Variants in STAU2 observed in about 807,000 individuals in gnomAD.
The protein encoded by STAU2 is double-stranded RNA-binding protein Staufen homolog 2.
In STAU2, 20 loss-of-function variants were observed where a neutral mutation model predicts 65.9. The observed-to-expected ratio is 0.30, with a 90% CI of 0.21 to 0.44. The LOEUF (loss-of-function observed/expected upper bound fraction) is 0.44, where lower values mean the gene tolerates loss of function less well. STAU2 is among the 20% of genes least tolerant of loss of function. STAU2 has a pLI of 1.00. For missense variants in STAU2, 558 were observed against 683.9 expected (o/e 0.82, Z 2.05); for synonymous variants, 232 against 233.9 (o/e 0.99, Z 0.07).
chr8:73,643,074 T>C lies in STAU2; in HGVS notation c.411-25623A>G, dbSNP rs188016584. ...ATTTGACAACTCCTCTTGGATGTCTTACAGACATGTCTATCCCCGAAGTCT... is the reference window on the plus strand; with the variant it reads ...ATTTGACAACTCCTCTTGGATGTCTCACAGACATGTCTATCCCCGAAGTCT... On this transcript the variant is annotated intron_variant, in intron 6 of 14. Transcript: ENST00000524300. Among the ~76,000 whole-genome samples the C allele has an allele frequency of 1.8e-3, 267 of 152,328 alleles. 1 individual carries two copies. The highest frequency in any genetic ancestry group is 3.1e-3 in the Non-Finnish European group (211 of 68,022).
At chr8:73,714,108 G>A (rs1453297924) in intron 3 of STAU2, among the ~76,000 whole-genome samples, 1 of 151,920 alleles carries the variant, frequency 6.6e-6, no homozygotes, top group Non-Finnish European at 1.5e-5. Context: ...TCTCCATATT[G>A]GTCACGCTGG....
chr8:73,463,601 G>T (rs1563607146), intron 13 of STAU2, among the ~76,000 whole-genome samples: 2 of 152,196 alleles, frequency 1.3e-5, no homozygotes, highest in Admixed American at 6.5e-5. Context: ...TTTACCGACT[G>T]ATGTGCAATC....
chr8:73,646,828 G>A (rs1313468254), intron 6 of STAU2, among the ~76,000 whole-genome samples: 1 of 151,154 alleles, frequency 6.6e-6, no homozygotes, highest in African/African-American at 2.4e-5. Flanking sequence ...TCTAACAAAG[G>A]ATTTATATCT....
At position 73,628,404 on chromosome 8, in the gene STAU2, A is replaced by G. The variant is rs570792051; in HGVS notation, c.411-10953T>C. 1.1e-4 allele frequency among the ~76,000 whole-genome samples: 16 copies of G among 152,302 alleles called. 1 individual carries two copies. In the South Asian group the frequency reaches 2.7e-3, roughly 26 times the overall value. On this transcript the variant is annotated intron_variant, in intron 6 of 14. Transcript: ENST00000524300. ...ACTTTTCAATATATATTCACTAAAT[A>G]CTGCATGCTAGTAATCTAATAGCAG...
At chr8:73,602,077 C>T (rs79038585) in intron 10 of STAU2, among the ~76,000 whole-genome samples, 1,636 of 152,084 alleles carry the variant, frequency 0.011, 33 homozygotes, top group African/African-American at 0.038. Context: ...CCAGGAGTGA[C>T]TTATCTATGA....
chr8:73,641,516 C>G (rs1297887115), intron 6 of STAU2, among the ~76,000 whole-genome samples: 1 of 152,206 alleles, frequency 6.6e-6, no homozygotes, highest in Non-Finnish European at 1.5e-5. Context: ...AGATCTTCAG[C>G]AAATCATGTC....
At chr8:73,562,952 G>A (rs1293299571) in intron 12 of STAU2, among the ~76,000 whole-genome samples, 1 of 151,540 alleles carries the variant, frequency 6.6e-6, no homozygotes, top group East Asian at 1.9e-4. Context: ...CTCAAAAACT[G>A]TATTTTTAAA....
chr8:73,599,630 G>T (rs1811477612), intron 10 of STAU2, among the ~76,000 whole-genome samples: 1 of 152,112 alleles, frequency 6.6e-6, no homozygotes, highest in African/African-American at 2.4e-5. Context: ...TTTGTCTATT[G>T]TGTAAAATCA....
At chr8:73,539,679 C>T (rs1217426954) in intron 13 of STAU2, among the ~76,000 whole-genome samples, 4 of 151,954 alleles carry the variant, frequency 2.6e-5, no homozygotes, top group Admixed American at 2.6e-4. Flanking sequence ...CCCATCTCTA[C>T]TAACAATACA....
At chr8:73,692,118 T>G (rs1563510642) in intron 4 of STAU2, among the ~76,000 whole-genome samples, 1 of 151,956 alleles carries the variant, frequency 6.6e-6, no homozygotes, top group Non-Finnish European at 1.5e-5. Context: ...GTGAACACAC[T>G]GAGGTGCTGC....
intron 12 of STAU2, among the ~76,000 whole-genome samples, chr8:73,574,651 G>A (rs145499614): frequency 0.012 from 1,757 of 152,170 alleles, 24 homozygotes; most frequent in African/African-American, 0.04. Flanking sequence ...GCAAACTATC[G>A]CAAGGACAGA....
In STAU2 at chr8:73,737,248, G is replaced by A. The variant is rs11997116; in HGVS notation, c.-18+1036C>T. On this transcript the variant is annotated intron_variant, in intron 3 of 14. Coordinates refer to ENST00000524300, the MANE Select transcript of STAU2 (RefSeq NM_001164380.2). ...TGCAATGGCACGATCTTGGCTCACC[G>A]CAACCTCCGCCTCCCGGGTTCAAGT... Among the ~76,000 whole-genome samples the A allele has an allele frequency of 8.5e-3, 1,279 of 151,260 alleles. 18 individuals carry two copies. The highest frequency in any genetic ancestry group is 0.027 in the African/African-American group (1,098 of 41,154).
intron 3 of STAU2, among the ~76,000 whole-genome samples, chr8:73,723,314 T>C (rs1474836104): frequency 7.9e-5 from 12 of 152,236 alleles, no homozygotes; most frequent in Non-Finnish European, 1.6e-4. Context: ...TTTTCTCTCA[T>C]CAACATTATG....
chr8:73,495,001 C>T (rs1389529518), intron 13 of STAU2, among the ~76,000 whole-genome samples: 1 of 151,530 alleles, frequency 6.6e-6, no homozygotes, highest in African/African-American at 2.4e-5. Flanking sequence ...CACATATTCT[C>T]CGGCTTCTTT....
At chr8:73,486,705 G>T (rs1040380615) in intron 13 of STAU2, among the ~76,000 whole-genome samples, 1 of 149,820 alleles carries the variant, frequency 6.7e-6, no homozygotes, top group African/African-American at 2.5e-5. Flanking sequence ...CCAGACTGGA[G>T]TGTAGTGGCA....
Position 73,557,656 on chromosome 8 carries a change from T to C in STAU2, c.1223-5337A>G, listed in dbSNP as rs560682032. Among the ~76,000 whole-genome samples, 3 of 152,316 alleles carry C rather than the reference T, an allele frequency of 2.0e-5. No homozygotes were observed. The South Asian group carries it at 6.2e-4, about 32-fold the overall frequency. Reference sequence around the variant, plus strand: ...ATAATTCATTGTTAATTTATTTTTGTTTGGTTACTGCTCAGGATAAACTTT... The same window carrying C: ...ATAATTCATTGTTAATTTATTTTTGCTTGGTTACTGCTCAGGATAAACTTT... On this transcript the variant is annotated intron_variant, in intron 12 of 14. Transcript: ENST00000524300.
At chr8:73,531,856 C>T (rs532882826) in intron 13 of STAU2, among the ~76,000 whole-genome samples, 112 of 152,236 alleles carry the variant, frequency 7.4e-4, no homozygotes, top group African/African-American at 2.5e-3. Context: ...TTTCTACAAA[C>T]GTGGCCTGAA....
At chr8:73,591,745 A>G (rs1032732747) in intron 11 of STAU2, among the ~76,000 whole-genome samples, 1 of 152,026 alleles carries the variant, frequency 6.6e-6, no homozygotes, top group African/African-American at 2.4e-5. Flanking sequence ...ATCCAAACTT[A>G]TAGTTGGAAA....
At chr8:73,651,804 T>C (rs1437123401) in intron 6 of STAU2, among the ~76,000 whole-genome samples, 1 of 152,238 alleles carries the variant, frequency 6.6e-6, no homozygotes, top group East Asian at 1.9e-4. Context: ...GAAATGCCTC[T>C]GACTCCAGGC....
Sources: allele counts gnomAD v4.1 joint callset (sites outside exome capture counted in the v4.1 genomes callset), GRCh38; gene constraint gnomAD v4.1.1; transcripts MANE v1.5; gene names NCBI Gene and HGNC (gene_info 2026-07-23, HGNC 2026-07-21).